Variants in BMPER observed in about 807,000 individuals in gnomAD.
BMPER encodes the protein BMP binding endothelial regulator.
Under a neutral mutation model 87.3 loss-of-function variants are expected in BMPER, and 45 were observed. The observed-to-expected ratio is 0.52, with a 90% CI of 0.41 to 0.66. The LOEUF is 0.66. Among genes scored for constraint, BMPER ranks in the 30% least tolerant of loss-of-function variants. The pLI, the probability that BMPER is intolerant of heterozygous loss-of-function variation, is 0.00. For missense variants in BMPER, 784 were observed against 867.5 expected, an observed-to-expected ratio of 0.90 and a Z score of 1.21; for synonymous variants, 326 against 316.2, an observed-to-expected ratio of 1.03 and a Z score of -0.33.
chr7:34,027,504 C>CA (rs893964501), intron 6 of BMPER, among the ~76,000 whole-genome samples: 9 of 151,372 alleles, frequency 5.9e-5, no homozygotes, highest in East Asian at 1.9e-4. Flanking sequence ...GAGAAGTATG[C>CA]AAAAAAAATT....
At chr7:33,945,099 G>T (rs1414283501) in intron 3 of BMPER, among the ~76,000 whole-genome samples, 1 of 151,856 alleles carries the variant, frequency 6.6e-6, no homozygotes, top group African/African-American at 2.4e-5. Flanking sequence ...CTGCCAACAC[G>T]CCCGGCTAAT....
At chr7:34,117,915 G>GA (rs1165262206) in intron 13 of BMPER, among the ~76,000 whole-genome samples, 1 of 152,200 alleles carries the variant, frequency 6.6e-6, no homozygotes, top group Non-Finnish European at 1.5e-5. Context: ...ATAAACCTCT[G>GA]AAAATCCCTG....
chr7:34,151,326 C>T (rs1211787245), intron 14 of BMPER, among the ~76,000 whole-genome samples: 1 of 152,090 alleles, frequency 6.6e-6, no homozygotes, highest in Admixed American at 6.6e-5. Context: ...AATGTGTGTG[C>T]TAGAGATGTA....
intron 5 of BMPER, 139 bp downstream of exon 5, chr7:33,970,558 C>A: frequency 1.1e-6 from 1 of 895,964 alleles, no homozygotes; most frequent in Non-Finnish European, 1.8e-6. Context: ...AGCTCCTTTG[C>A]ATAGAAATAT....
rs551849500 is a variant in BMPER, at chr7:34,016,172, C to T, written c.577-30134C>T. ...ATCATTTATCCCACGTATATTTTAT[C>T]CTCTCTCCAGGAAAATAATGCGATG... On this transcript the variant is annotated intron_variant, in intron 6 of 14. Coordinates refer to ENST00000649409, the MANE Select transcript of BMPER (RefSeq NM_001365308.1). Among the ~76,000 whole-genome samples, 69 of 151,964 alleles carry T rather than the reference C, an allele frequency of 4.5e-4. 1 individual carries two copies. In the South Asian group the frequency reaches 0.013, roughly 28 times the overall value.
intron 7 of BMPER, among the ~76,000 whole-genome samples, chr7:34,048,735 G>A (rs533774953): frequency 1.3e-5 from 2 of 152,278 alleles, no homozygotes; most frequent in East Asian, 3.9e-4. Flanking sequence ...TGGTTATAAG[G>A]CATACTACAA....
intron 6 of BMPER, among the ~76,000 whole-genome samples, chr7:34,044,555 C>T (rs1787910362): frequency 6.6e-6 from 1 of 152,092 alleles, no homozygotes; most frequent in South Asian, 2.1e-4. Flanking sequence ...GACCCCAGGG[C>T]CTGGCCACGA....
At position 34,126,950 on chromosome 7, in the gene BMPER, G is replaced by T. The variant is rs548906568; in HGVS notation, c.1746-16280G>T. Among the ~76,000 whole-genome samples, 151 of 152,262 alleles carry T rather than the reference G, an allele frequency of 9.9e-4. 1 individual carries two copies. The highest frequency in any genetic ancestry group is 2.7e-3 in the African/African-American group (112 of 41,552). On this transcript the variant is annotated intron_variant, in intron 13 of 14. Coordinates refer to ENST00000649409, the MANE Select transcript of BMPER (RefSeq NM_001365308.1). ...TTATAAAACAGCAGACAGCCCAGAG[G>T]TACCTTACAATGATAGCAATGAAAC...
chr7:33,991,686 C>G (rs1290764429), intron 6 of BMPER, among the ~76,000 whole-genome samples: 3 of 151,428 alleles, frequency 2.0e-5, no homozygotes, highest in Admixed American at 6.6e-5. Context: ...TCTTGCTTTT[C>G]TAGTTCTTTT....
chr7:34,022,452 T>C (rs530060349), intron 6 of BMPER, among the ~76,000 whole-genome samples: 43 of 151,984 alleles, frequency 2.8e-4, no homozygotes, highest in Non-Finnish European at 5.6e-4. Context: ...CTTTAAAATA[T>C]TCGAGACTGC....
intron 3 of BMPER, among the ~76,000 whole-genome samples, chr7:33,946,976 A>T (rs1182323141): frequency 6.6e-6 from 1 of 152,246 alleles, no homozygotes; most frequent in African/African-American, 2.4e-5. Context: ...TGAAGCCAGA[A>T]TATTCTTTAA....
chr7:34,075,096 A>C (rs1788829915), intron 11 of BMPER, among the ~76,000 whole-genome samples: 1 of 152,148 alleles, frequency 6.6e-6, no homozygotes, highest in Non-Finnish European at 1.5e-5. Context: ...TCTCAGAAGA[A>C]AGGCATTTCA....
At chr7:34,074,384 G>T (rs1402706034) in intron 11 of BMPER, among the ~76,000 whole-genome samples, 2 of 152,238 alleles carry the variant, frequency 1.3e-5, no homozygotes, top group Non-Finnish European at 2.9e-5. Flanking sequence ...AAGATGGGGG[G>T]CTCCTGAATG....
intron 13 of BMPER, among the ~76,000 whole-genome samples, chr7:34,089,977 A>G (rs1789334517): frequency 1.3e-5 from 2 of 152,286 alleles, no homozygotes; most frequent in East Asian, 1.9e-4. Flanking sequence ...TCACAAATCA[A>G]TTTGACCCAT....
At chr7:33,905,788 GTTTGGTA>G in intron 1 of BMPER, 42 bp downstream of exon 1, 1 of 1,280,624 alleles carries the variant, frequency 7.8e-7, no homozygotes, top group Non-Finnish European at 1.1e-6. Flanking sequence ...CGGGACGCCG[GTTTGGTA>G]CCTGGGAAAG....
At chr7:34,015,316 C>T (rs1373556902) in intron 6 of BMPER, among the ~76,000 whole-genome samples, 1 of 151,954 alleles carries the variant, frequency 6.6e-6, no homozygotes, top group Non-Finnish European at 1.5e-5. Context: ...AATAATACTT[C>T]ACAGTGTTGA....
At chr7:34,105,120 C>T (rs184230347) in intron 13 of BMPER, among the ~76,000 whole-genome samples, 32 of 152,270 alleles carry the variant, frequency 2.1e-4, no homozygotes. Context: ...ACCAATGTGT[C>T]TACATGTTCT....
chr7:33,966,461 T>C lies in BMPER; in HGVS notation c.320-18T>C, dbSNP rs768289907. ...CCCATTCTTGGCCTTTCTTCCTGCT[T>C]CTGTGTCTCCTGTCTAGGTTGCACC... On this transcript the variant is annotated intron_variant, in intron 3 of 14. Coordinates refer to ENST00000649409, the MANE Select transcript of BMPER (RefSeq NM_001365308.1). 1.9e-6 allele frequency: 3 copies of C among 1,609,468 alleles called. No individual in the cohort carries two copies. In the African/African-American group the frequency reaches 4.0e-5, roughly 22 times the overall value.
intron 12 of BMPER, among the ~76,000 whole-genome samples, chr7:34,084,491 C>T (rs1490892911): frequency 6.6e-6 from 1 of 152,174 alleles, no homozygotes; most frequent in Non-Finnish European, 1.5e-5. Context: ...CACTTGCATT[C>T]ACTAGTACAA....
Sources: gnomAD v4.1 joint callset for allele counts (sites outside exome capture counted in the v4.1 genomes callset) on GRCh38, gnomAD v4.1.1 for gene constraint, MANE v1.5 for transcripts, NCBI Gene and HGNC (gene_info 2026-07-23, HGNC 2026-07-21) for gene names.